Variants in NBAS observed in about 807,000 individuals in gnomAD.
NBAS encodes the protein NAG/BC035112 fusion.
Under a neutral mutation model 302.5 loss-of-function variants are expected in NBAS, and 219 were observed. The ratio of observed to expected loss-of-function variants is 0.72; its 90% CI spans 0.65 to 0.81. The LOEUF is 0.81. Among genes scored for constraint, NBAS ranks in the 30% least tolerant of loss-of-function variants. The probability of loss-of-function intolerance (pLI) is 0.00; values close to 1 mark genes in which losing one functional copy is unlikely to be tolerated. For synonymous variants in NBAS, 1,118 were observed against 1,021.6 expected (o/e 1.09, Z -1.80); for missense variants, 2,932 against 2,841.6 (o/e 1.03, Z -0.72).
chr2:15,108,586 C>A, the NBAS span, among the ~76,000 whole-genome samples: 2 of 152,122 alleles, frequency 1.3e-5, no homozygotes, highest in African/African-American at 2.4e-5. Flanking sequence ...AATGAAGCAG[C>A]CCCAGAGAGG....
intron 42 of NBAS, among the ~76,000 whole-genome samples, chr2:15,280,415 TAA>T (rs1230260734): frequency 6.6e-6 from 1 of 151,526 alleles, no homozygotes; most frequent in African/African-American, 2.4e-5. Context: ...GAAGAGAGAA[TAA>T]AGAGGATGGG....
At chr2:15,422,733 G>T (rs921797836) in intron 23 of NBAS, among the ~76,000 whole-genome samples, 1 of 152,064 alleles carries the variant, frequency 6.6e-6, no homozygotes, top group Non-Finnish European at 1.5e-5. Flanking sequence ...ACTGACATGA[G>T]AAATTTTTTA....
intron 31 of NBAS, among the ~76,000 whole-genome samples, chr2:15,368,959 C>A (rs150379376): frequency 2.6e-5 from 4 of 152,118 alleles, no homozygotes; most frequent in Admixed American, 6.6e-5. Flanking sequence ...ACAGCACAAT[C>A]GTAAAAACTC....
chr2:15,320,358 C>T (rs1317407586), intron 38 of NBAS, among the ~76,000 whole-genome samples: 1 of 152,202 alleles, frequency 6.6e-6, no homozygotes, highest in Non-Finnish European at 1.5e-5. Flanking sequence ...TGCCCTCTCT[C>T]ACCACACCTA....
chr2:15,312,610 G>T (rs1671330949), intron 38 of NBAS, among the ~76,000 whole-genome samples: 1 of 152,042 alleles, frequency 6.6e-6, no homozygotes, highest in African/African-American at 2.4e-5. Context: ...TGGTACCCTG[G>T]TCTATTTTCC....
chr2:14,945,734 A>G, the NBAS span, among the ~76,000 whole-genome samples: 1 of 152,198 alleles, frequency 6.6e-6, no homozygotes, highest in Non-Finnish European at 1.5e-5. Flanking sequence ...CAAAATATAC[A>G]GTCAGAGGAG....
At chr2:15,003,708 C>T in the NBAS span, among the ~76,000 whole-genome samples, 1 of 152,174 alleles carries the variant, frequency 6.6e-6, no homozygotes, top group Non-Finnish European at 1.5e-5. Context: ...GCTCTTCTGA[C>T]AGAACAGCTT....
At chr2:14,999,606 T>C in the NBAS span, among the ~76,000 whole-genome samples, 7 of 152,158 alleles carry the variant, frequency 4.6e-5, no homozygotes, top group Middle Eastern at 3.2e-3. Flanking sequence ...TTGCTTCCTC[T>C]TCACCTTCCA....
Position 15,556,806 on chromosome 2 carries a change from AAAT to A in NBAS, c.183_185del (p.Leu61del), listed in dbSNP as rs1450798386. On this transcript the variant is annotated inframe_deletion, in exon 3 of 52. Coordinates refer to ENST00000281513, the MANE Select transcript of NBAS (RefSeq NM_015909.4). ...ACCTGTACCAGATGTATTGGCGTAA[AAAT>A]AATAAACGATCTGTAATCAAAAGAA... 3 of 1,611,232 alleles carry A rather than the reference AAAT, an allele frequency of 1.9e-6. No individual in the cohort carries two copies. The highest frequency in any genetic ancestry group is 1.1e-5 in the South Asian group (1 of 90,964).
At chr2:15,090,521 T>A in the NBAS span, among the ~76,000 whole-genome samples, 3 of 152,238 alleles carry the variant, frequency 2.0e-5, no homozygotes, top group Admixed American at 6.5e-5. Context: ...CCCTTTACAT[T>A]TACCCCCAAA....
chr2:15,534,072 T>G (rs1319276463), intron 9 of NBAS, among the ~76,000 whole-genome samples: 1 of 152,114 alleles, frequency 6.6e-6, no homozygotes, highest in African/African-American at 2.4e-5. Flanking sequence ...TCAATGTAGA[T>G]GCAAATACAC....
chr2:14,903,109 A>G, the NBAS span, among the ~76,000 whole-genome samples: 8 of 152,186 alleles, frequency 5.3e-5, no homozygotes, highest in Admixed American at 5.2e-4. Flanking sequence ...GACCTTCTAC[A>G]TACAGTGTCT....
chr2:15,299,966 C>G (rs1418156586), intron 40 of NBAS, among the ~76,000 whole-genome samples: 1 of 152,134 alleles, frequency 6.6e-6, no homozygotes, highest in Non-Finnish European at 1.5e-5. Context: ...AGAACAAATA[C>G]TAGAAGAGAA....
chr2:15,032,658 A>C, the NBAS span, among the ~76,000 whole-genome samples: 3 of 152,220 alleles, frequency 2.0e-5, no homozygotes, highest in Admixed American at 6.5e-5. Context: ...AAAATGAGAA[A>C]ACATGTTCAG....
chr2:15,557,528 A>G (rs1664705057), intron 2 of NBAS, among the ~76,000 whole-genome samples: 1 of 152,212 alleles, frequency 6.6e-6, no homozygotes, highest in Non-Finnish European at 1.5e-5. Context: ...TGAATATGCT[A>G]GTGCTTCTTG....
Position 15,285,290 on chromosome 2 carries a change from C to A in NBAS, c.5138+1783G>T, listed in dbSNP as rs79002027. ...TCTTGACCATTCAGCAGGATTTGAC[C>A]CCACTCAATACTCACTCCCTTTCTT... On this transcript the variant is annotated intron_variant, in intron 42 of 51. Transcript: ENST00000281513. Among the ~76,000 whole-genome samples, 6 of 152,024 alleles carry A rather than the reference C, an allele frequency of 3.9e-5. No individual in the cohort carries two copies. In the East Asian group the frequency reaches 1.2e-3, roughly 29 times the overall value.
rs117994304 is a variant in NBAS, at chr2:15,192,707, G to A, written c.6433-2304C>T. Among the ~76,000 whole-genome samples the A allele has an allele frequency of 3.8e-4, 58 of 152,236 alleles. 1 individual carries two copies. In the East Asian group the frequency reaches 8.5e-3, roughly 22 times the overall value. On this transcript the variant is annotated intron_variant, in intron 48 of 51. Transcript: ENST00000281513. ...CAGGATAATCTCTGTCTACATGAGA[G>A]TTTATATGCAGGAAAGGTTTGTGCT...
the NBAS span, among the ~76,000 whole-genome samples, chr2:15,068,080 C>A: frequency 6.6e-6 from 1 of 152,146 alleles, no homozygotes; most frequent in Non-Finnish European, 1.5e-5. Flanking sequence ...AGATTTAGAA[C>A]AAAGAATGAT....
At chr2:15,549,734 AT>A (rs1282758695) in intron 6 of NBAS, among the ~76,000 whole-genome samples, 2 of 152,102 alleles carry the variant, frequency 1.3e-5, no homozygotes, top group African/African-American at 4.8e-5. Context: ...TCTCAAAAAA[AT>A]AAATAAATAA....
Sources: gnomAD v4.1 joint callset for allele counts (sites outside exome capture counted in the v4.1 genomes callset) on GRCh38, gnomAD v4.1.1 for gene constraint, MANE v1.5 for transcripts, NCBI Gene and HGNC (gene_info 2026-07-23, HGNC 2026-07-21) for gene names.